Variants in SPOP observed in about 807,000 individuals in gnomAD.
SPOP encodes the protein speckle type BTB/POZ protein, also known as speckle-type POZ protein.
A neutral mutation model predicts 45.6 loss-of-function variants in SPOP; 11 were observed. That is an observed-to-expected ratio of 0.24 (90% confidence interval 0.15 to 0.40). The LOEUF is 0.40. Ranked by LOEUF, SPOP falls within the 10% of genes least tolerant of loss-of-function variation. The probability of loss-of-function intolerance (pLI) is 1.00; values close to 1 mark genes in which losing one functional copy is unlikely to be tolerated. For missense variants in SPOP, 152 were observed against 465.6 expected (o/e 0.33, Z 6.20); for synonymous variants, 166 against 166.3 (o/e 1.00, Z 0.01).
intron 1 of SPOP, among the ~76,000 whole-genome samples, chr17:49,644,798 C>T (rs1188155485): frequency 1.3e-5 from 2 of 151,978 alleles, no homozygotes; most frequent in African/African-American, 4.8e-5. Flanking sequence ...AAATTAAACA[C>T]GTAAAGCAAT....
Position 49,676,349 on chromosome 17 carries a change from G to A in SPOP, c.-67+1584C>T, listed in dbSNP as rs1217867393. Among the ~76,000 whole-genome samples, 4 of 152,278 alleles carry A rather than the reference G, an allele frequency of 2.6e-5. No individual in the cohort carries two copies. In the East Asian group the frequency reaches 5.8e-4, roughly 22 times the overall value. ...TGCACCCCAAATTTCTCTGTTCCCT[G>A]TGTGTCATCTCTTGGTTCTAACTGT... On this transcript the variant is annotated intron_variant, in intron 1 of 9. Coordinates refer to ENST00000504102, the MANE Select transcript of SPOP (RefSeq NM_001007228.2).
Position 49,662,077 on chromosome 17 carries a change from G to A in SPOP, c.-67+15856C>T, listed in dbSNP as rs142073233. 8.9e-4 allele frequency among the ~76,000 whole-genome samples: 134 copies of A among 149,722 alleles called. 1 individual carries two copies. The highest frequency in any genetic ancestry group is 3.0e-3 in the African/African-American group (124 of 40,738). On this transcript the variant is annotated intron_variant, in intron 1 of 9. Transcript: ENST00000504102. ...GTAGGGAGGTCTCTTCCTCTTTAGA[G>A]AGACCCTTTAATGACCAAAAGATAC...
intron 8 of SPOP, among the ~76,000 whole-genome samples, chr17:49,603,036 T>A (rs954255114): frequency 5.3e-5 from 8 of 152,208 alleles, no homozygotes; most frequent in Admixed American, 5.2e-4. Context: ...AGTCTCCTTA[T>A]AGGCCCCAGC....
intron 1 of SPOP, among the ~76,000 whole-genome samples, chr17:49,647,344 GTTC>G (rs1344723567): frequency 5.0e-5 from 6 of 119,758 alleles, no homozygotes; most frequent in African/African-American, 1.6e-4. Context: ...AAAAAAAAAA[GTTC>G]TTTTGTTCTA....
chr17:49,600,208 T>C lies in SPOP; in HGVS notation c.*170A>G. On this transcript the variant is annotated 3_prime_UTR_variant, in exon 10 of 10. Coordinates refer to ENST00000504102, the MANE Select transcript of SPOP (RefSeq NM_001007228.2). This position sits in a 1 kb window ranked among gnomAD's most constrained non-coding sequence, Gnocchi z 4.2. ...TTCATTTCATTTTCCCTCCCCCCGTTTCCCCCAAGTTATTTAGTGCTGTTT... is the reference window on the plus strand; with the variant it reads ...TTCATTTCATTTTCCCTCCCCCCGTCTCCCCCAAGTTATTTAGTGCTGTTT... The C allele has an allele frequency of 1.2e-6, 1 of 853,240 alleles. No homozygotes were observed. Among genetic ancestry groups the C allele is most frequent in the Non-Finnish European group, 1.8e-6 (1 of 544,344 alleles). The allele number at this position is 853,240 out of a possible 1,614,324, so 52.9% of individuals were successfully genotyped here. A position where few individuals can be genotyped will look rare whatever the true frequency, so the allele number is the denominator to read the frequency against.
At chr17:49,601,620 A>G in intron 9 of SPOP, 1 of 409,316 alleles carries the variant, frequency 2.4e-6, no homozygotes, top group Non-Finnish European at 4.4e-6. Flanking sequence ...CAGCTTTTTC[A>G]GGCCAGCAAG....
intron 1 of SPOP, among the ~76,000 whole-genome samples, chr17:49,657,633 A>G (rs868003680): frequency 2.7e-5 from 4 of 148,984 alleles, no homozygotes; most frequent in Non-Finnish European, 5.9e-5. Context: ...TCCTGACCCT[A>G]TGATCCACTC....
chr17:49,634,191 T>A (rs1301300321), intron 1 of SPOP, among the ~76,000 whole-genome samples: 1 of 152,176 alleles, frequency 6.6e-6, no homozygotes, highest in East Asian at 1.9e-4. Context: ...TCTTTAGAAA[T>A]GAAGTCAGAA....
At chr17:49,674,048 G>C (rs1165973426) in intron 1 of SPOP, among the ~76,000 whole-genome samples, 1 of 152,168 alleles carries the variant, frequency 6.6e-6, no homozygotes, top group Non-Finnish European at 1.5e-5. Context: ...CAGGAAGGCT[G>C]AGGCAGGAGA....
At chr17:49,650,643 T>C (rs551591071) in intron 1 of SPOP, among the ~76,000 whole-genome samples, 1 of 152,254 alleles carries the variant, frequency 6.6e-6, no homozygotes, top group African/African-American at 2.4e-5. Context: ...TATGAGTATT[T>C]TTGGAGATGA....
intron 1 of SPOP, among the ~76,000 whole-genome samples, chr17:49,648,309 C>A (rs917625146): frequency 3.3e-5 from 5 of 152,198 alleles, no homozygotes; most frequent in African/African-American, 1.2e-4. Flanking sequence ...TTATCTGAAC[C>A]TACAGAGTCC....
chr17:49,676,938 AAC>A (rs1168374561), intron 1 of SPOP, among the ~76,000 whole-genome samples: 2 of 152,214 alleles, frequency 1.3e-5, no homozygotes, highest in Non-Finnish European at 2.9e-5. Context: ...ATTGTCCACC[AAC>A]AGTTTCAGAT....
At chr17:49,642,153 T>C (rs192494422) in intron 1 of SPOP, among the ~76,000 whole-genome samples, 2 of 152,232 alleles carry the variant, frequency 1.3e-5, no homozygotes, top group African/African-American at 4.8e-5. Flanking sequence ...CTTGACAATA[T>C]GTAGGATAAA....
At chr17:49,676,879 C>T (rs2073205903) in intron 1 of SPOP, among the ~76,000 whole-genome samples, 1 of 152,104 alleles carries the variant, frequency 6.6e-6, no homozygotes, top group Non-Finnish European at 1.5e-5. Context: ...TTGTTATCTG[C>T]CAACGTGAAA....
chr17:49,635,008 C>T (rs895740039), intron 1 of SPOP, among the ~76,000 whole-genome samples: 1 of 152,158 alleles, frequency 6.6e-6, no homozygotes, highest in Non-Finnish European at 1.5e-5. Context: ...GGCACCTAGA[C>T]CTCCTTCCAA....
intron 8 of SPOP, among the ~76,000 whole-genome samples, chr17:49,602,565 C>T (rs1220896529): frequency 6.6e-6 from 1 of 152,176 alleles, no homozygotes; most frequent in African/African-American, 2.4e-5. Flanking sequence ...CAAGATATCC[C>T]AACTGGCCCA....
intron 1 of SPOP, among the ~76,000 whole-genome samples, chr17:49,627,928 G>A (rs563590886): frequency 1.3e-5 from 2 of 152,244 alleles, no homozygotes; most frequent in Admixed American, 1.3e-4. Flanking sequence ...AATTGACTAG[G>A]ACAGCACAAG....
intron 1 of SPOP, among the ~76,000 whole-genome samples, chr17:49,624,329 GCGCACA>G (rs1206310491): frequency 1.6e-4 from 14 of 85,906 alleles, no homozygotes; most frequent in African/African-American, 3.1e-4. Context: ...ACGCGCGCGC[GCGCACA>G]CACACACACA....
intron 2 of SPOP, 190 bp downstream of exon 2, chr17:49,622,543 T>G: frequency 1.7e-6 from 1 of 596,946 alleles, no homozygotes; most frequent in Non-Finnish European, 3.0e-6. Context: ...TGAAAAACAC[T>G]AGCCTAGGGA....
Sources: allele counts gnomAD v4.1 joint callset (sites outside exome capture counted in the v4.1 genomes callset), GRCh38; gene constraint gnomAD v4.1.1; non-coding constraint Gnocchi (gnomAD v3.1); transcripts MANE v1.5; gene names NCBI Gene and HGNC (gene_info 2026-07-23, HGNC 2026-07-21).